Variants in MYO3B observed in about 807,000 individuals in gnomAD.
The protein encoded by MYO3B is myosin IIIB.
A neutral mutation model predicts 174.6 loss-of-function variants in MYO3B; 156 were observed. That is an observed-to-expected ratio of 0.89 (90% CI 0.78 to 1.02). MYO3B has a LOEUF of 1.02. MYO3B is among the 50% of genes least tolerant of loss of function. MYO3B has a pLI of 0.00. For synonymous variants in MYO3B, 563 were observed against 569.1 expected (o/e 0.99, Z 0.15); for missense variants, 1,632 against 1,639.4 (o/e 1.00, Z 0.08).
intron 22 of MYO3B, among the ~76,000 whole-genome samples, chr2:170,442,806 TC>T (rs2094811574): frequency 6.6e-6 from 1 of 152,218 alleles, no homozygotes; most frequent in Admixed American, 6.5e-5. Context: ...TCCAGCTTCA[TC>T]CATGTCACTA....
chr2:170,416,818 G>GTTTTTTTTTTTTTT lies in MYO3B; in HGVS notation c.2650+8984_2650+8997dup, dbSNP rs552594236. ...CTTTCCCCAGATCTTTTTTTCTGTTGTTTTTTTTTTTTTTTTTTTTTTTGA... is the reference window on the plus strand; with the variant it reads ...CTTTCCCCAGATCTTTTTTTCTGTTGTTTTTTTTTTTTTTTTTTTTTTTTTTTTTTTTTTTTTGA... On this transcript the variant is annotated intron_variant, in intron 22 of 34. Transcript: ENST00000408978. Among the ~76,000 whole-genome samples the GTTTTTTTTTTTTTT allele has an allele frequency of 2.6e-5, 3 of 116,122 alleles. No homozygotes were observed. The South Asian group carries it at 8.3e-4, about 32-fold the overall frequency. The allele number at this position is 116,122 out of a possible 152,430, so 76.2% of individuals were successfully genotyped here.
At chr2:170,625,850 G>C (rs934387161) in intron 32 of MYO3B, among the ~76,000 whole-genome samples, 1 of 152,210 alleles carries the variant, frequency 6.6e-6, no homozygotes, top group Non-Finnish European at 1.5e-5. Flanking sequence ...CAGTTCCCAC[G>C]TAGTTGAGCG....
intron 7 of MYO3B, among the ~76,000 whole-genome samples, chr2:170,286,762 T>C (rs2093559212): frequency 6.6e-6 from 1 of 152,140 alleles, no homozygotes; most frequent in Non-Finnish European, 1.5e-5. Flanking sequence ...ATTTTTTCAT[T>C]TTATTTTTTT....
intron 7 of MYO3B, among the ~76,000 whole-genome samples, chr2:170,249,213 T>C (rs1278921780): frequency 6.6e-6 from 1 of 152,246 alleles, no homozygotes; most frequent in Non-Finnish European, 1.5e-5. Context: ...TGAGCAACTC[T>C]GCTTGTGGCC....
intron 32 of MYO3B, among the ~76,000 whole-genome samples, chr2:170,631,361 A>AAAG (rs892230573): frequency 2.6e-5 from 4 of 151,616 alleles, no homozygotes; most frequent in Admixed American, 2.0e-4. Context: ...AAAAGAATAA[A>AAAG]AAGAAATGAA....
chr2:170,242,717 G>A (rs527767386), intron 7 of MYO3B, among the ~76,000 whole-genome samples: 1 of 152,150 alleles, frequency 6.6e-6, no homozygotes, highest in Non-Finnish European at 1.5e-5. Flanking sequence ...GGTGCGAGGG[G>A]TTGATTCCCA....
chr2:170,278,649 AATAAAT>A (rs1396090987), intron 7 of MYO3B, among the ~76,000 whole-genome samples: 2 of 152,110 alleles, frequency 1.3e-5, no homozygotes, highest in East Asian at 3.9e-4. Context: ...TGAAATGTAC[AATAAAT>A]TGTCACTAAA....
intron 30 of MYO3B, among the ~76,000 whole-genome samples, chr2:170,520,514 T>C (rs1411811613): frequency 1.3e-5 from 2 of 151,652 alleles, no homozygotes; most frequent in East Asian, 1.9e-4. Flanking sequence ...CACACACACA[T>C]ATATATATAA....
At chr2:170,629,040 G>T (rs187467362) in intron 32 of MYO3B, among the ~76,000 whole-genome samples, 1 of 152,286 alleles carries the variant, frequency 6.6e-6, no homozygotes, top group Admixed American at 6.5e-5. Flanking sequence ...TTAAGGACAG[G>T]ATTCATCCAT....
At chr2:170,571,781 GGAGGAATCTGGAATGAT>G (rs944771232) in intron 32 of MYO3B, among the ~76,000 whole-genome samples, 4 of 152,184 alleles carry the variant, frequency 2.6e-5, no homozygotes, top group African/African-American at 9.6e-5. Flanking sequence ...AGTAATAGAG[GGAGGAATCTGGAATGAT>G]GAGGAATCTG....
intron 32 of MYO3B, among the ~76,000 whole-genome samples, chr2:170,556,023 C>T (rs1691266140): frequency 6.6e-6 from 1 of 152,078 alleles, no homozygotes; most frequent in Non-Finnish European, 1.5e-5. Flanking sequence ...TGACGAAACA[C>T]TGTCTCTACT....
intron 6 of MYO3B, among the ~76,000 whole-genome samples, chr2:170,226,404 G>A (rs1207640505): frequency 6.6e-6 from 1 of 152,198 alleles, no homozygotes; most frequent in Non-Finnish European, 1.5e-5. Flanking sequence ...TTCTGAGGCT[G>A]GCCCTGGCCT....
intron 7 of MYO3B, among the ~76,000 whole-genome samples, chr2:170,258,785 G>T (rs899648307): frequency 6.6e-6 from 1 of 152,072 alleles, no homozygotes; most frequent in Non-Finnish European, 1.5e-5. Context: ...CTTCACTGAT[G>T]ATATGATTTG....
In MYO3B at chr2:170,521,872, A is replaced by G. The variant is rs538209385; in HGVS notation, c.3575+2332A>G. Among the ~76,000 whole-genome samples the G allele has an allele frequency of 5.9e-5, 9 of 152,222 alleles. No homozygotes were observed. The South Asian group carries it at 1.7e-3, about 28-fold the overall frequency. The stretch of plus-strand genomic sequence containing the variant: ...CTGAAATCTGATTTGTGTCCCTACA[A>G]TGTCCCTAAAACTATTCTTGGGAAG... On this transcript the variant is annotated intron_variant, in intron 30 of 34. Coordinates refer to ENST00000408978, the MANE Select transcript of MYO3B (RefSeq NM_138995.5).
chr2:170,596,953 T>A (rs1481409866), intron 32 of MYO3B, among the ~76,000 whole-genome samples: 1 of 152,220 alleles, frequency 6.6e-6, no homozygotes, highest in African/African-American at 2.4e-5. Context: ...CTACACATTT[T>A]TCTGCTTAGG....
chr2:170,424,487 C>T (rs926151488), intron 22 of MYO3B, among the ~76,000 whole-genome samples: 4 of 151,986 alleles, frequency 2.6e-5, no homozygotes, highest in African/African-American at 9.7e-5. Context: ...CATGTTGGTG[C>T]GTGCCTGTGG....
At chr2:170,224,532 A>G in intron 6 of MYO3B, among the ~76,000 whole-genome samples, 1 of 152,136 alleles carries the variant, frequency 6.6e-6, no homozygotes, top group East Asian at 1.9e-4. Flanking sequence ...CTGAAATTGG[A>G]GTGTGAGACA....
chr2:170,366,879 T>C (rs1393954647), intron 8 of MYO3B, among the ~76,000 whole-genome samples: 1 of 152,188 alleles, frequency 6.6e-6, no homozygotes, highest in Non-Finnish European at 1.5e-5. Flanking sequence ...AGTGGAGGCA[T>C]CTTTTCATAA....
chr2:170,254,341 C>T (rs939226835), intron 7 of MYO3B, among the ~76,000 whole-genome samples: 1 of 152,158 alleles, frequency 6.6e-6, no homozygotes, highest in African/African-American at 2.4e-5. Flanking sequence ...TAGACGCCCA[C>T]CCGCAAAGGC....
Sources: gnomAD v4.1 joint callset for allele counts (sites outside exome capture counted in the v4.1 genomes callset) on GRCh38, gnomAD v4.1.1 for gene constraint, MANE v1.5 for transcripts, NCBI Gene and HGNC (gene_info 2026-07-23, HGNC 2026-07-21) for gene names.